PSENEN: variants seen among roughly 807,000 people sequenced by gnomAD.
PSENEN encodes the protein presenilin enhancer, gamma-secretase subunit, also known as gamma-secretase subunit PEN-2.
PSENEN carries 4 observed loss-of-function variants against 15.4 expected under a neutral mutation model. The ratio of observed to expected loss-of-function variants is 0.26; its 90% CI spans 0.13 to 0.59. PSENEN has a LOEUF of 0.59. PSENEN is among the 20% of genes least tolerant of loss of function. The probability of loss-of-function intolerance (pLI) is 0.89; values close to 1 mark genes in which losing one functional copy is unlikely to be tolerated. For synonymous variants in PSENEN, 42 were observed against 46.5 expected (o/e 0.90, Z 0.39); for missense variants, 112 against 120.3 (o/e 0.93, Z 0.32).
chr19:35,746,018 A>G, intron 2 of PSENEN, 27 bp downstream of exon 2: 1 of 1,611,400 alleles, frequency 6.2e-7, no homozygotes, highest in East Asian at 2.2e-5. Context: ...GGGTCCCAGG[A>G]GAAGAGAGGG....
intron 3 of PSENEN, 29 bp from the exon 4 acceptor site, chr19:35,746,676 CCAA>C: frequency 6.2e-7 from 1 of 1,614,064 alleles, no homozygotes; most frequent in Non-Finnish European, 8.5e-7. Context: ...CAGCCGGAGG[CCAA>C]CCCTTCCAGC....
chr19:35,746,577 G>A (rs752204820), intron 3 of PSENEN, 54 bp downstream of exon 3: 3 of 1,601,318 alleles, frequency 1.9e-6, no homozygotes, highest in East Asian at 4.5e-5. Context: ...GGGGGAAGCG[G>A]GGAATCTTGG....
intron 3 of PSENEN, 56 bp from the exon 4 acceptor site, chr19:35,746,652 G>C (rs1302556210): frequency 1.9e-6 from 3 of 1,613,790 alleles, no homozygotes; most frequent in Non-Finnish European, 1.7e-6. Flanking sequence ...GCTGGTCTAG[G>C]GAAGTCTGGA....
rs185455095 is a variant in PSENEN at position 35,745,909 on chromosome 19, A to G, written c.-22A>G. ...GGGTCTTGCCCCGCAGACCCTTGGGACGACCCGGCCCCAGCGCAGCTATGA... is the reference window on the plus strand; with the variant it reads ...GGGTCTTGCCCCGCAGACCCTTGGGGCGACCCGGCCCCAGCGCAGCTATGA... On this transcript the variant is annotated 5_prime_UTR_variant, in exon 2 of 4. Transcript: ENST00000587708. The G allele has an allele frequency of 5.3e-5, 85 of 1,613,880 alleles. No individual in the cohort carries two copies. In the African/African-American group the frequency reaches 1.0e-3, roughly 19 times the overall value.
chr19:35,746,582 T>A, intron 3 of PSENEN, 59 bp downstream of exon 3: 1 of 1,601,942 alleles, frequency 6.2e-7, no homozygotes, highest in African/African-American at 1.3e-5. Context: ...AAGCGGGGAA[T>A]CTTGGTGGGA....
Position 35,746,713 on chromosome 19 carries a change from T to C in PSENEN, c.172T>C (p.Trp58Arg). ...TEQSQIKGYVWRSAVGFLFWV... is the reference protein window; with the variant it reads ...TEQSQIKGYVRRSAVGFLFWV... ...GCTTCTGTTTCCCATGACAGATGTC[T>C]GGCGCTCAGCTGTGGGCTTCCTCTT... The change falls in exon 4 of 4, where the codon TGG (tryptophan) becomes CGG (arginine). Residue 58 changes from tryptophan to arginine, a missense_variant. Coordinates refer to ENST00000587708, the MANE Select transcript of PSENEN (RefSeq NM_172341.4). 2 of 1,614,194 alleles carry C rather than the reference T, an allele frequency of 1.2e-6. No homozygotes were observed. The highest frequency in any genetic ancestry group is 1.7e-6 in the Non-Finnish European group (2 of 1,180,038).
At chr19:35,746,283 C>G in intron 2 of PSENEN, 136 bp from the exon 3 acceptor site, 1 of 811,914 alleles carries the variant, frequency 1.2e-6, no homozygotes, top group Non-Finnish European at 2.1e-6. Context: ...ATTCCTGAGT[C>G]CCTGACAACA....
intron 2 of PSENEN, 31 bp from the exon 3 acceptor site, chr19:35,746,388 G>A (rs1568399824): frequency 1.9e-6 from 3 of 1,545,082 alleles, no homozygotes; most frequent in Non-Finnish European, 2.7e-6. Context: ...GAGGTTTTGG[G>A]GTTTGTTTGT....
At position 35,746,448 on chromosome 19, in the gene PSENEN, T is replaced by A; in HGVS notation, c.91T>A (p.Leu31Met). ...GGFAFLPFLW[L>M]VNIFWFFREA... Reference sequence around the variant, plus strand: ...GTTTGCTTTCCTGCCTTTTCTCTGGTTGGTCAACATCTTCTGGTTCTTCCG... The same window carrying A: ...GTTTGCTTTCCTGCCTTTTCTCTGGATGGTCAACATCTTCTGGTTCTTCCG... Residue 31 changes from leucine (L) to methionine (M), a missense_variant, in exon 3 of 4, where the codon TTG becomes ATG. By Grantham distance (15) the Leu-to-Met change is conservative. Transcript: ENST00000587708. 1 of 1,613,962 alleles carries A rather than the reference T, an allele frequency of 6.2e-7. No individual in the cohort carries two copies. The highest frequency in any genetic ancestry group is 8.5e-7 in the Non-Finnish European group (1 of 1,180,022).
Position 35,746,498 on chromosome 19 carries a change from C to T in PSENEN, c.141C>T (p.Tyr47=). Residue 47 remains tyrosine (Y), a synonymous_variant, in exon 3 of 4, where the codon TAC becomes TAT. Transcript: ENST00000587708. The stretch of plus-strand genomic sequence containing the variant: ...GAGAGGCCTTCCTTGTCCCAGCCTA[C>T]ACAGAACAGAGCCAAATCAAAGGCT... ...FFREAFLVPA[Y]TEQSQIKGYV... The T allele has an allele frequency of 6.2e-7, 1 of 1,613,852 alleles. No individual in the cohort carries two copies. The highest frequency in any genetic ancestry group is 8.5e-7 in the Non-Finnish European group (1 of 1,179,898).
Position 35,746,700 on chromosome 19 carries a change from C to G in PSENEN, c.167-8C>G, listed in dbSNP as rs961070064. ...GCCAACCCTTCCAGCTTCTGTTTCCCATGACAGATGTCTGGCGCTCAGCTG... is the reference window on the plus strand; with the variant it reads ...GCCAACCCTTCCAGCTTCTGTTTCCGATGACAGATGTCTGGCGCTCAGCTG... On this transcript the variant is annotated splice_region_variant and splice_polypyrimidine_tract_variant and intron_variant, in intron 3 of 3. Transcript: ENST00000587708. The G allele has an allele frequency of 1.9e-6, 3 of 1,614,052 alleles. No homozygotes were observed. In the Admixed American group the frequency reaches 5.0e-5, roughly 27 times the overall value.
chr19:35,745,836 G>A lies in PSENEN; in HGVS notation c.-95G>A, dbSNP rs1401695446. ...TTTATCTCTGATTTGTTCTAATAGG[G>A]GCGTGGTTGTTCGTGATCCTTGCAT... is the stretch of plus-strand genomic sequence containing the variant. On this transcript the variant is annotated splice_region_variant and 5_prime_UTR_variant, in exon 2 of 4. Coordinates refer to ENST00000587708, the MANE Select transcript of PSENEN (RefSeq NM_172341.4). The A allele has an allele frequency of 8.3e-7, 1 of 1,207,836 alleles. No individual in the cohort carries two copies. The highest frequency in any genetic ancestry group is 2.3e-5 in the East Asian group (1 of 43,116). 74.8% of individuals were successfully genotyped at this position (1,207,836 alleles called of 1,614,324 possible). A position where few individuals can be genotyped will look rare whatever the true frequency, so the allele number is the denominator to read the frequency against.
Position 35,746,520 on chromosome 19 carries a change from G to C in PSENEN, c.163G>C (p.Gly55Arg). The C allele has an allele frequency of 3.7e-6, 6 of 1,613,034 alleles. No homozygotes were observed. The highest frequency in any genetic ancestry group is 5.1e-6 in the Non-Finnish European group (6 of 1,179,276). ...PAYTEQSQIK[G>R]YVWRSAVGFL... ...CTACACAGAACAGAGCCAAATCAAA[G>C]GCTGTGAGTCTAGAGCACAGAGGAG... The change falls in exon 3 of 4, where the codon GGC becomes CGC. Residue 55 changes from glycine to arginine, a missense_variant. Coordinates refer to ENST00000587708, the MANE Select transcript of PSENEN (RefSeq NM_172341.4).
rs756396225 is a variant in PSENEN, at chr19:35,746,490, C to G, written c.133C>G (p.Pro45Ala). 6.2e-7 allele frequency: 1 copy of G among 1,613,834 alleles called. No homozygotes were observed. The highest frequency in any genetic ancestry group is 1.1e-5 in the South Asian group (1 of 91,076). ...GTTCTTCCGAGAGGCCTTCCTTGTC[C>G]CAGCCTACACAGAACAGAGCCAAAT... ...FWFFREAFLV[P>A]AYTEQSQIKG... is the part of the protein sequence containing the mutation. Residue 45 changes from proline (P) to alanine (A), a missense_variant, in exon 3 of 4, where the codon CCA (proline) becomes GCA (alanine). Coordinates refer to ENST00000587708, the MANE Select transcript of PSENEN (RefSeq NM_172341.4).
At position 35,746,923 on chromosome 19, in the gene PSENEN, G is replaced by A. The variant is rs201099328; in HGVS notation, c.*76G>A. Reference sequence around the variant, plus strand: ...TAAAGCAGAGGAGCCTGTCCTGGGAGCCCCTTCTCAAACTCCTAAGACTTG... The same window carrying A: ...TAAAGCAGAGGAGCCTGTCCTGGGAACCCCTTCTCAAACTCCTAAGACTTG... On this transcript the variant is annotated 3_prime_UTR_variant, in exon 4 of 4. Coordinates refer to ENST00000587708, the MANE Select transcript of PSENEN (RefSeq NM_172341.4). 1.2e-5 allele frequency: 18 copies of A among 1,475,040 alleles called. No individual in the cohort carries two copies. The South Asian group carries it at 2.2e-4, about 18-fold the overall frequency. 91.4% of individuals were successfully genotyped at this position (1,475,040 alleles called of 1,614,324 possible).
chr19:35,746,626 T>A, intron 3 of PSENEN, 82 bp from the exon 4 acceptor site: 1 of 1,611,606 alleles, frequency 6.2e-7, no homozygotes, highest in Non-Finnish European at 8.5e-7. Context: ...GTTGGGGCTC[T>A]GGGTGAGAAG....
intron 3 of PSENEN, 47 bp from the exon 4 acceptor site, chr19:35,746,661 G>T: frequency 6.2e-7 from 1 of 1,614,040 alleles, no homozygotes; most frequent in Non-Finnish European, 8.5e-7. Context: ...GGGAAGTCTG[G>T]AGAGCAGCCG....
intron 2 of PSENEN, 45 bp from the exon 3 acceptor site, chr19:35,746,374 T>C: frequency 6.8e-7 from 1 of 1,479,268 alleles, no homozygotes; most frequent in South Asian, 1.1e-5. Flanking sequence ...CTTCATTGCC[T>C]TATGAGGTTT....
chr19:35,747,453 A>C lies in PSENEN; in HGVS notation c.*606A>C, dbSNP rs1970614629. The C allele has an allele frequency of 1.3e-5, 2 of 152,000 alleles. No homozygotes were observed. The highest frequency in any genetic ancestry group is 2.1e-4 in the South Asian group (1 of 4,862). 9.4% of individuals were successfully genotyped at this position (152,000 alleles called of 1,614,324 possible). A position where few individuals can be genotyped will look rare whatever the true frequency, so the allele number is the denominator to read the frequency against. ...TGGACCAAGACGTGTGACAAATGGA[A>C]GTTTCCCGTTTTCTGAAGGAAGTGT... On this transcript the variant is annotated 3_prime_UTR_variant, in exon 4 of 4. Coordinates refer to ENST00000587708, the MANE Select transcript of PSENEN (RefSeq NM_172341.4).
Sources: gnomAD v4.1 joint callset for allele counts on GRCh38, gnomAD v4.1.1 for gene constraint, MANE v1.5 for transcripts, NCBI Gene and HGNC (gene_info 2026-07-23, HGNC 2026-07-21) for gene names.